SKIDA1: variants seen among roughly 807,000 people sequenced by gnomAD.
SKIDA1 encodes SKI/DACH domain containing 1.
In SKIDA1, 18 loss-of-function variants were observed where a neutral mutation model predicts 51.4. The ratio of observed to expected loss-of-function variants is 0.35; its 90% CI spans 0.24 to 0.52. The LOEUF (loss-of-function observed/expected upper bound fraction) is 0.52, where lower values mean the gene tolerates loss of function less well. SKIDA1 is among the 20% of genes least tolerant of loss of function. The pLI, the probability that SKIDA1 is intolerant of heterozygous loss-of-function variation, is 0.95. For missense variants in SKIDA1, 1,104 were observed against 1,180.6 expected, an observed-to-expected ratio of 0.94 and a Z score of 0.95; for synonymous variants, 579 against 500.5, an observed-to-expected ratio of 1.16 and a Z score of -2.09.
chr10:21,516,300 A>C lies in SKIDA1; in HGVS notation c.1523T>G (p.Leu508Arg). The C allele has an allele frequency of 6.2e-7, 1 of 1,613,778 alleles. No homozygotes were observed. The highest frequency in any genetic ancestry group is 8.5e-7 in the Non-Finnish European group (1 of 1,179,894). Residue 508 changes from leucine to arginine, a missense_variant, in exon 4 of 4, where the codon CTC (leucine) becomes CGC (arginine). Leu to Arg is a moderately radical substitution (Grantham distance 102, BLOSUM62 -2). Around this residue, in one of 3 missense-constraint regions of SKIDA1, gnomAD observed 938 missense variants for 886.4 expected, o/e 1.06. Coordinates refer to ENST00000449193, the MANE Select transcript of SKIDA1 (RefSeq NM_207371.4). The surrounding 1 kb of genome is among the most constrained non-coding windows in gnomAD (Gnocchi z 5.7). The stretch of plus-strand genomic sequence containing the variant: ...CGACTCCGCTTTGACACTACTCTTG[A>C]GGTCGGGAAGTCTGCCGGCATCCTC... ...AFEDAGRLPDLKSSVKAESPA... is the reference protein window; with the variant it reads ...AFEDAGRLPDRKSSVKAESPA...
chr10:21,523,934 A>C (rs1640856306), intron 1 of SKIDA1, 63 bp from the exon 2 acceptor site: 1 of 152,112 alleles, frequency 6.6e-6, no homozygotes, highest in South Asian at 2.1e-4. Flanking sequence ...TTATGGATAC[A>C]CAAGTATCAT....
intron 2 of SKIDA1, among the ~76,000 whole-genome samples, chr10:21,523,206 G>C (rs1357291432): frequency 1.3e-5 from 2 of 152,076 alleles, no homozygotes; most frequent in African/African-American, 2.4e-5. Context: ...GGAAGGAATG[G>C]GGTGGGGGGA....
chr10:21,516,273 G>C lies in SKIDA1; in HGVS notation c.1550C>G (p.Pro517Arg). The C allele has an allele frequency of 3.7e-6, 6 of 1,613,928 alleles. No individual in the cohort carries two copies. The highest frequency in any genetic ancestry group is 5.1e-6 in the Non-Finnish European group (6 of 1,179,892). ...DLKSSVKAES[P>R]AEWNLQSWAP... ...CCAGCTCTGCAGATTCCACTCCGCC[G>C]GCGACTCCGCTTTGACACTACTCTT... is the stretch of plus-strand genomic sequence containing the variant. The change falls in exon 4 of 4, where the codon CCG becomes CGG. Residue 517 changes from proline to arginine, a missense_variant. This residue lies in a region of SKIDA1 where 938 missense variants were observed against 886.4 expected (regional missense o/e 1.06). Transcript: ENST00000449193. This position sits in a 1 kb window ranked among gnomAD's most constrained non-coding sequence, Gnocchi z 5.7.
rs2032511291 is a variant in SKIDA1 at position 21,523,683 on chromosome 10, C to G, written c.-1929G>C. On this transcript the variant is annotated splice_region_variant and 5_prime_UTR_variant, in exon 2 of 4. It removes the in-frame stop codon of an upstream open reading frame in the 5' UTR. Transcript: ENST00000449193. ...GGTGACACCAAGTGTTGAGGCCTACCTATGGGCTGCTCAGCCATACTGAAA... is the reference window on the plus strand; with the variant it reads ...GGTGACACCAAGTGTTGAGGCCTACGTATGGGCTGCTCAGCCATACTGAAA... 1 of 152,124 alleles carries G rather than the reference C, an allele frequency of 6.6e-6. No homozygotes were observed. The highest frequency in any genetic ancestry group is 1.5e-5 in the Non-Finnish European group (1 of 68,020). The allele number at this position is 152,124 out of a possible 1,614,324, so 9.4% of individuals were successfully genotyped here. A position where few individuals can be genotyped will look rare whatever the true frequency, so the allele number is the denominator to read the frequency against.
chr10:21,516,888 G>T lies in SKIDA1; in HGVS notation c.935C>A (p.Ala312Glu). The T allele has an allele frequency of 7.9e-7, 1 of 1,272,388 alleles. No homozygotes were observed. The highest frequency in any genetic ancestry group is 9.9e-7 in the Non-Finnish European group (1 of 1,013,978). The allele number at this position is 1,272,388 out of a possible 1,614,324, so 78.8% of individuals were successfully genotyped here. Residue 312 changes from alanine to glutamate, a missense_variant, in exon 4 of 4, where the codon GCG (alanine) becomes GAG (glutamate). This residue lies in a region of SKIDA1 where 938 missense variants were observed against 886.4 expected (regional missense o/e 1.06). Transcript: ENST00000449193. This position sits in a 1 kb window ranked among gnomAD's most constrained non-coding sequence, Gnocchi z 5.7. Reference protein sequence around the residue: ...KAAAAAAAAAAAAAAAAGATC... With the variant: ...KAAAAAAAAAEAAAAAAGATC... Reference sequence around the variant, plus strand: ...GGCCCCCGCGGCGGCCGCCGCCGCCGCTGCCGCCGCCGCCGCCGCCGCCGC... The same window carrying T: ...GGCCCCCGCGGCGGCCGCCGCCGCCTCTGCCGCCGCCGCCGCCGCCGCCGC...
In SKIDA1 at chr10:21,513,768, C is replaced by T. The variant is rs559027348; in HGVS notation, c.*1328G>A. 1 of 152,268 alleles carries T rather than the reference C, an allele frequency of 6.6e-6. No homozygotes were observed. The highest frequency in any genetic ancestry group is 1.5e-5 in the Non-Finnish European group (1 of 68,032). 9.4% of individuals were successfully genotyped at this position (152,268 alleles called of 1,614,324 possible). On this transcript the variant is annotated 3_prime_UTR_variant, in exon 4 of 4. Transcript: ENST00000449193. ...AGAAAAAGTATAAGGTCATAAAATC[C>T]AAGTGCCTGAGTTCTGGTACCAAAA...
intron 2 of SKIDA1, among the ~76,000 whole-genome samples, chr10:21,522,216 C>T (rs2032415314): frequency 7.3e-6 from 1 of 136,926 alleles, no homozygotes; most frequent in Non-Finnish European, 1.5e-5. Context: ...TAATCCTTTT[C>T]CTTCCAAGCT....
intron 2 of SKIDA1, 131 bp downstream of exon 2, chr10:21,523,552 A>C (rs1220361570): frequency 6.6e-6 from 1 of 152,188 alleles, no homozygotes; most frequent in Non-Finnish European, 1.5e-5. Context: ...GTAGAGTTTG[A>C]CCTTCAGATA....
At position 21,517,131 on chromosome 10, in the gene SKIDA1, G is replaced by A; in HGVS notation, c.692C>T (p.Ala231Val). The change falls in exon 4 of 4, where the codon GCC (alanine) becomes GTC (valine). Residue 231 changes from alanine to valine, a missense_variant. Coordinates refer to ENST00000449193, the MANE Select transcript of SKIDA1 (RefSeq NM_207371.4). This position sits in a 1 kb window ranked among gnomAD's most constrained non-coding sequence, Gnocchi z 6.9. Reference sequence around the variant, plus strand: ...GGCGGCGGCGGCGGCAGCAGCGGCGGCGGCGGCGGCGGCGGCGGCTGCCGG... The same window carrying A: ...GGCGGCGGCGGCGGCAGCAGCGGCGACGGCGGCGGCGGCGGCGGCTGCCGG... The part of the protein sequence containing the change: ...KHPAAAAAAA[A>V]AAAAAAAAAA... 5.8e-6 allele frequency: 7 copies of A among 1,204,058 alleles called. No individual in the cohort carries two copies. Among genetic ancestry groups the A allele is most frequent in the Non-Finnish European group, 7.3e-6 (7 of 961,758 alleles). The allele number at this position is 1,204,058 out of a possible 1,614,324, so 74.6% of individuals were successfully genotyped here.
At position 21,515,767 on chromosome 10, in the gene SKIDA1, T is replaced by C; in HGVS notation, c.2056A>G (p.Lys686Glu). The C allele has an allele frequency of 1.1e-5, 17 of 1,614,040 alleles. No individual in the cohort carries two copies. Among genetic ancestry groups the C allele is most frequent in the Non-Finnish European group, 1.3e-5 (15 of 1,179,898 alleles). ...GCACTACTGTCTTCTACTTTGATTT[T>C]AATATTGTGCAGAAATGGCAATGTC... ...DKTLPFLHNI[K>E]IKVEDSSANE... Residue 686 changes from lysine to glutamate, a missense_variant, in exon 4 of 4, where the codon AAA (lysine) becomes GAA (glutamate). By Grantham distance (56) the Lys-to-Glu change is moderately conservative (BLOSUM62 1). Transcript: ENST00000449193.
At chr10:21,522,894 T>C (rs1018443294) in intron 2 of SKIDA1, among the ~76,000 whole-genome samples, 7 of 152,094 alleles carry the variant, frequency 4.6e-5, no homozygotes, top group Non-Finnish European at 8.8e-5. Flanking sequence ...TGCAAATCCT[T>C]GGAGGTAAAG....
At position 21,518,952 on chromosome 10, in the gene SKIDA1, A is replaced by G. The variant is rs2032320839; in HGVS notation, c.-1130T>C. ...GCTCCAGCTCCGAAACACTGTAACA[A>G]TTCAACTGGATTTCGGTTCTCTGCT... On this transcript the variant is annotated 5_prime_UTR_variant, in exon 4 of 4. Coordinates refer to ENST00000449193, the MANE Select transcript of SKIDA1 (RefSeq NM_207371.4). 6.0e-6 allele frequency: 1 copy of G among 166,746 alleles called. No homozygotes were observed. The highest frequency in any genetic ancestry group is 1.5e-5 in the Non-Finnish European group (1 of 68,122). The allele number at this position is 166,746 out of a possible 1,614,324, so 10.3% of individuals were successfully genotyped here.
chr10:21,517,450 C>A lies in SKIDA1; in HGVS notation c.373G>T (p.Ala125Ser). The A allele has an allele frequency of 6.6e-7, 1 of 1,510,030 alleles. No individual in the cohort carries two copies. Among genetic ancestry groups the A allele is most frequent in the Non-Finnish European group, 8.8e-7 (1 of 1,133,846 alleles). 93.5% of individuals were successfully genotyped at this position (1,510,030 alleles called of 1,614,324 possible). A position where few individuals can be genotyped will look rare whatever the true frequency, so the allele number is the denominator to read the frequency against. ...TTCCAAAATCCCGGGCGGGGGCTGG[C>A]GGCAGCGGCGCGCTCTGGCGGCGGC... ...KAPPPERAAAASPRPGFWKDK... is the reference protein window; with the variant it reads ...KAPPPERAAASSPRPGFWKDK... The change falls in exon 4 of 4, where the codon GCC becomes TCC. Residue 125 changes from alanine (A) to serine (S), a missense_variant. Ala to Ser is a moderately conservative substitution (Grantham distance 99, BLOSUM62 1). This residue lies in a region of SKIDA1 where 938 missense variants were observed against 886.4 expected (regional missense o/e 1.06). Transcript: ENST00000449193. The surrounding 1 kb of genome is among the most constrained non-coding windows in gnomAD (Gnocchi z 6.9).
At chr10:21,522,115 T>C (rs1003720036) in intron 2 of SKIDA1, among the ~76,000 whole-genome samples, 4 of 152,170 alleles carry the variant, frequency 2.6e-5, no homozygotes, top group African/African-American at 4.8e-5. Flanking sequence ...ATGGGGAAAG[T>C]TCTTTTGAAA....
At position 21,517,482 on chromosome 10, in the gene SKIDA1, G is replaced by T. The variant is rs1195270911; in HGVS notation, c.341C>A (p.Thr114Lys). ...GGCGCGCTCTGGCGGCGGCGCCTTT[G>T]TGGCCAGGGCCCGGCCGACCCGCCT... ...KRRRVGRALA[T>K]KAPPPERAAA... The change falls in exon 4 of 4, where the codon ACA (threonine) becomes AAA (lysine). Residue 114 changes from threonine (T) to lysine (K), a missense_variant. Physicochemically the swap from Thr to Lys is moderately conservative, Grantham distance 78. Coordinates refer to ENST00000449193, the MANE Select transcript of SKIDA1 (RefSeq NM_207371.4). The surrounding 1 kb of genome is among the most constrained non-coding windows in gnomAD (Gnocchi z 6.9). 1 of 1,543,210 alleles carries T rather than the reference G, an allele frequency of 6.5e-7. No individual in the cohort carries two copies. Among genetic ancestry groups the T allele is most frequent in the Admixed American group, 2.0e-5 (1 of 49,212 alleles).
chr10:21,514,952 G>T lies in SKIDA1; in HGVS notation c.*144C>A. 24 of 555,344 alleles carry T rather than the reference G, an allele frequency of 4.3e-5. No homozygotes were observed. Among genetic ancestry groups the T allele is most frequent in the South Asian group, 8.7e-5 (1 of 11,530 alleles). 34.4% of individuals were successfully genotyped at this position (555,344 alleles called of 1,614,324 possible). On this transcript the variant is annotated 3_prime_UTR_variant, in exon 4 of 4. Coordinates refer to ENST00000449193, the MANE Select transcript of SKIDA1 (RefSeq NM_207371.4). ...AAAAAAAACCCGCAACGGAAAAAAA[G>T]TAATCCGATTTCTGTCTTCAAAATG...
Position 21,516,992 on chromosome 10 carries a change from G to A in SKIDA1, c.831C>T (p.Gly277=), listed in dbSNP as rs1422342785. The A allele has an allele frequency of 3.5e-6, 4 of 1,142,650 alleles. No individual in the cohort carries two copies. The highest frequency in any genetic ancestry group is 6.0e-5 in the East Asian group (1 of 16,712). 70.8% of individuals were successfully genotyped at this position (1,142,650 alleles called of 1,614,324 possible). The change falls in exon 4 of 4, where the codon GGC becomes GGT. Residue 277 remains glycine, a synonymous_variant. Transcript: ENST00000449193. The surrounding 1 kb of genome is among the most constrained non-coding windows in gnomAD (Gnocchi z 5.7). ...LSYRCKRKRG[G]AKDCLLAPHA... is the part of the protein sequence containing the mutation. ...GAGGCGCGAGCAGGCAGTCCTTGGCGCCGCCGCGCTTGCGCTTGCAGCGGT... is the reference window on the plus strand; with the variant it reads ...GAGGCGCGAGCAGGCAGTCCTTGGCACCGCCGCGCTTGCGCTTGCAGCGGT...
chr10:21,524,600 G>C lies in SKIDA1; in HGVS notation c.-2117-729C>G, dbSNP rs1001501197. ...GACCGATTCACTAAGGCGGGGGGGG[G>C]GGGGGGCTACAGCTTGCAGCAACGT... On this transcript the variant is annotated intron_variant, in intron 1 of 3. Transcript: ENST00000449193. 12 of 99,808 alleles carry C rather than the reference G, an allele frequency of 1.2e-4. 1 individual carries two copies. The highest frequency in any genetic ancestry group is 3.4e-4 in the African/African-American group (11 of 31,998). The allele number at this position is 99,808 out of a possible 1,614,324, so 6.2% of individuals were successfully genotyped here.
intron 3 of SKIDA1, 137 bp downstream of exon 3, chr10:21,521,252 C>T (rs2131275431): frequency 6.6e-6 from 1 of 152,450 alleles, no homozygotes; most frequent in East Asian, 1.9e-4. Flanking sequence ...TTTGCATGCA[C>T]ACCGGGGATT....
Sources: gnomAD v4.1 joint callset for allele counts (sites outside exome capture counted in the v4.1 genomes callset) on GRCh38, gnomAD v4.1.1 for gene constraint, gnomAD v4.1.1 regional missense constraint, Gnocchi (gnomAD v3.1) non-coding constraint, MANE v1.5 for transcripts, NCBI Gene and HGNC (gene_info 2026-07-23, HGNC 2026-07-21) for gene names.